Variants in TMEM200A observed in about 807,000 individuals in gnomAD.
TMEM200A encodes transmembrane protein 200A.
In TMEM200A, 12 loss-of-function variants were observed where a neutral mutation model predicts 24.3. That is an observed-to-expected ratio of 0.49 (90% confidence interval 0.32 to 0.80). The LOEUF is 0.80. TMEM200A is among the 30% of genes least tolerant of loss of function. The probability of loss-of-function intolerance (pLI) is 0.04; values close to 1 mark genes in which losing one functional copy is unlikely to be tolerated. For missense variants in TMEM200A, 545 were observed against 614.4 expected, an observed-to-expected ratio of 0.89 and a Z score of 1.19; for synonymous variants, 224 against 224.4, an observed-to-expected ratio of 1.00 and a Z score of 0.02.
At chr6:130,374,624 A>G (rs1301998751) in intron 1 of TMEM200A, among the ~76,000 whole-genome samples, 3 of 151,908 alleles carry the variant, frequency 2.0e-5, no homozygotes, top group East Asian at 1.9e-4. Context: ...GAGTTTCACC[A>G]TGTTGGCCAG....
At chr6:130,407,467 A>T (rs1044445821) in intron 2 of TMEM200A, among the ~76,000 whole-genome samples, 1 of 152,226 alleles carries the variant, frequency 6.6e-6, no homozygotes, top group Non-Finnish European at 1.5e-5. Context: ...CAAGGAGATG[A>T]TTTAAATAAC....
intron 2 of TMEM200A, chr6:130,437,923 A>G (rs1447033108): frequency 6.6e-6 from 1 of 152,136 alleles, no homozygotes; most frequent in Non-Finnish European, 1.5e-5. Context: ...GTGGGGGAGG[A>G]CTAGAAATCT....
rs553548863 is a variant in TMEM200A, at chr6:130,428,991, A to C, written c.-16-11416A>C. Among the ~76,000 whole-genome samples, 4 of 152,274 alleles carry C rather than the reference A, an allele frequency of 2.6e-5. No individual in the cohort carries two copies. The South Asian group carries it at 8.3e-4, about 32-fold the overall frequency. ...TATACAATAGAAACTCAATGACAGA[A>C]TACCCAGGAAATAAAAAGTAACAAG... is the stretch of plus-strand genomic sequence containing the variant. On this transcript the variant is annotated intron_variant, in intron 2 of 2. Coordinates refer to ENST00000296978, the MANE Select transcript of TMEM200A (RefSeq NM_001258277.2).
chr6:130,412,463 T>TAAC lies in TMEM200A; in HGVS notation c.-17+27229_-17+27231dup, dbSNP rs761802093. 1.1e-4 allele frequency among the ~76,000 whole-genome samples: 16 copies of TAAC among 152,232 alleles called. 2 individuals are homozygous for TAAC. The highest frequency in any genetic ancestry group is 1.2e-4 in the African/African-American group (5 of 41,556). ...GTCCCATCTCAGCTCTCTCAGATTCTAACACCTTGTGCTGGCCCACAGCCC... is the reference window on the plus strand; with the variant it reads ...GTCCCATCTCAGCTCTCTCAGATTCTAACAACACCTTGTGCTGGCCCACAGCCC... On this transcript the variant is annotated intron_variant, in intron 2 of 2. Transcript: ENST00000296978.
rs1778135949 is a variant in TMEM200A at position 130,366,123 on chromosome 6, G to C, written c.-482G>C. On this transcript the variant is annotated 5_prime_UTR_variant, in exon 1 of 3. Coordinates refer to ENST00000296978, the MANE Select transcript of TMEM200A (RefSeq NM_001258277.2). The surrounding 1 kb of genome is among the most constrained non-coding windows in gnomAD (Gnocchi z 4.4). ...AGCGGCGACTCCCTCTCCCCTGCCC[G>C]GCTTGCTGCGCCCGGTGCCCTCCGA... 3 of 984,944 alleles carry C rather than the reference G, an allele frequency of 3.0e-6. No individual in the cohort carries two copies. Among genetic ancestry groups the C allele is most frequent in the African/African-American group, 3.5e-5 (2 of 57,168 alleles). 61.0% of individuals were successfully genotyped at this position (984,944 alleles called of 1,614,324 possible). A position where few individuals can be genotyped will look rare whatever the true frequency, so the allele number is the denominator to read the frequency against.
At chr6:130,424,087 ATTCATAAAGTCTTCT>A (rs2115188716) in intron 2 of TMEM200A, among the ~76,000 whole-genome samples, 1 of 150,828 alleles carries the variant, frequency 6.6e-6, no homozygotes, top group African/African-American at 2.4e-5. Context: ...TGCATTCTAA[ATTCATAAAGTCTTCT>A]TTCTTTCTCA....
At chr6:130,417,725 C>A (rs1007387074) in intron 2 of TMEM200A, among the ~76,000 whole-genome samples, 4 of 152,156 alleles carry the variant, frequency 2.6e-5, no homozygotes, top group African/African-American at 9.7e-5. Flanking sequence ...ATTTTAAAAA[C>A]TCCAAAGTCA....
Position 130,419,361 on chromosome 6 carries a change from A to C in TMEM200A, c.-16-21046A>C, listed in dbSNP as rs536819777. Among the ~76,000 whole-genome samples the C allele has an allele frequency of 2.6e-5, 4 of 152,280 alleles. No individual in the cohort carries two copies. In the East Asian group the frequency reaches 7.7e-4, roughly 29 times the overall value. ...TGGATTCCATATCTTTGCTATTGTG[A>C]ATAGTGCTGCAATAAACATGGGAGT... On this transcript the variant is annotated intron_variant, in intron 2 of 2. Transcript: ENST00000296978.
intron 1 of TMEM200A, among the ~76,000 whole-genome samples, chr6:130,368,324 AAGAT>A (rs1359830238): frequency 6.6e-6 from 1 of 152,220 alleles, no homozygotes; most frequent in Non-Finnish European, 1.5e-5. Context: ...TTAGCTTAGG[AAGAT>A]AGATAAGAAC....
At chr6:130,378,210 C>T (rs1469627305) in intron 1 of TMEM200A, among the ~76,000 whole-genome samples, 1 of 152,082 alleles carries the variant, frequency 6.6e-6, no homozygotes, top group Admixed American at 6.6e-5. Flanking sequence ...ATCAATATCA[C>T]TTTCATGTGA....
chr6:130,406,955 T>C (rs982821616), intron 2 of TMEM200A, among the ~76,000 whole-genome samples: 4 of 152,330 alleles, frequency 2.6e-5, no homozygotes, highest in Admixed American at 2.6e-4. Flanking sequence ...CAGGCTATTT[T>C]TTCCTCTCTG....
chr6:130,408,809 T>G (rs1236478299), intron 2 of TMEM200A, among the ~76,000 whole-genome samples: 1 of 152,166 alleles, frequency 6.6e-6, no homozygotes, highest in East Asian at 1.9e-4. Context: ...GTTTGGTTGT[T>G]TCTGCATTGA....
intron 2 of TMEM200A, among the ~76,000 whole-genome samples, chr6:130,392,739 C>T (rs973894859): frequency 6.6e-6 from 1 of 152,188 alleles, no homozygotes; most frequent in African/African-American, 2.4e-5. Flanking sequence ...ATCTTACAAG[C>T]AACACCTAAC....
At chr6:130,395,231 T>G (rs1195799442) in intron 2 of TMEM200A, among the ~76,000 whole-genome samples, 8 of 152,188 alleles carry the variant, frequency 5.3e-5, no homozygotes, top group Admixed American at 1.3e-4. Context: ...GTTGGATTGC[T>G]TATAATTCTT....
At chr6:130,387,200 G>C (rs1220276212) in intron 2 of TMEM200A, among the ~76,000 whole-genome samples, 2 of 152,158 alleles carry the variant, frequency 1.3e-5, no homozygotes, top group African/African-American at 4.8e-5. Flanking sequence ...TAATATAACA[G>C]CATTAAAGTC....
chr6:130,432,474 CT>C (rs367642351), intron 2 of TMEM200A, among the ~76,000 whole-genome samples: 101 of 152,284 alleles, frequency 6.6e-4, no homozygotes, highest in African/African-American at 2.3e-3. Context: ...ATTGTTAATG[CT>C]TTTGCCACTA....
intron 2 of TMEM200A, among the ~76,000 whole-genome samples, chr6:130,403,846 C>G (rs934177414): frequency 3.3e-5 from 5 of 151,970 alleles, no homozygotes; most frequent in African/African-American, 4.8e-5. Context: ...TCAAGTAGGC[C>G]CCAGTGTGTG....
chr6:130,434,499 T>A (rs1779954125), intron 2 of TMEM200A, among the ~76,000 whole-genome samples: 1 of 152,106 alleles, frequency 6.6e-6, no homozygotes, highest in African/African-American at 2.4e-5. Flanking sequence ...GTCAGAATAG[T>A]GTGATGTAAA....
intron 2 of TMEM200A, among the ~76,000 whole-genome samples, chr6:130,426,553 T>C (rs371513170): frequency 3.8e-4 from 57 of 149,846 alleles, no homozygotes; most frequent in African/African-American, 1.4e-3. Context: ...CATTCTGAAG[T>C]CGCAGGATAT....
Sources: allele counts gnomAD v4.1 joint callset (sites outside exome capture counted in the v4.1 genomes callset), GRCh38; gene constraint gnomAD v4.1.1; non-coding constraint Gnocchi (gnomAD v3.1); transcripts MANE v1.5; gene names NCBI Gene and HGNC (gene_info 2026-07-23, HGNC 2026-07-21).